USP32: variants seen among roughly 807,000 people sequenced by gnomAD.
USP32 encodes the protein ubiquitin carboxyl-terminal hydrolase 32.
Under a neutral mutation model 204.8 loss-of-function variants are expected in USP32, and 59 were observed. That is an observed-to-expected ratio of 0.29 (90% CI 0.23 to 0.36). The LOEUF (loss-of-function observed/expected upper bound fraction) is 0.36. USP32 is among the 10% of genes least tolerant of loss of function. USP32 has a pLI of 1.00. For missense variants in USP32, 1,160 were observed against 1,946.4 expected (o/e 0.60, Z 7.60); for synonymous variants, 517 against 678.4 (o/e 0.76, Z 3.70).
chr17:60,232,714 T>A (rs2085603809), intron 12 of USP32, among the ~76,000 whole-genome samples: 1 of 151,838 alleles, frequency 6.6e-6, no homozygotes, highest in Non-Finnish European at 1.5e-5. Flanking sequence ...ACCCGGCTAA[T>A]TTTTGTATTT....
At chr17:60,358,988 A>G (rs1839342411) in intron 1 of USP32, among the ~76,000 whole-genome samples, 1 of 152,236 alleles carries the variant, frequency 6.6e-6, no homozygotes, top group African/African-American at 2.4e-5. Context: ...GACACACGAG[A>G]GGTTCCAGCT....
At chr17:60,232,885 C>G (rs565289286) in intron 12 of USP32, among the ~76,000 whole-genome samples, 1 of 152,274 alleles carries the variant, frequency 6.6e-6, no homozygotes, top group African/African-American at 2.4e-5. Context: ...ACTACTGCTA[C>G]TACTACCACC....
chr17:60,301,391 C>T, intron 3 of USP32: 1 of 381,744 alleles, frequency 2.6e-6, no homozygotes, highest in Non-Finnish European at 4.7e-6. Context: ...TTTAGCCACT[C>T]TAGTAGGTGT....
chr17:60,335,088 A>G (rs1464751387), intron 2 of USP32, among the ~76,000 whole-genome samples: 1 of 142,542 alleles, frequency 7.0e-6, no homozygotes, highest in Non-Finnish European at 1.5e-5. Flanking sequence ...TGATCCTCCC[A>G]TCTTAGCTTC....
intron 21 of USP32, among the ~76,000 whole-genome samples, 176 bp downstream of exon 21, chr17:60,210,837 A>G (rs1164570148): frequency 1.3e-5 from 2 of 152,286 alleles, no homozygotes; most frequent in African/African-American, 4.8e-5. Context: ...CTACATATAC[A>G]GTAGTAATTT....
At chr17:60,245,368 C>T (rs6503954) in intron 11 of USP32, 29,425 of 397,890 alleles carry the variant, frequency 0.074, 2,689 homozygotes, top group African/African-American at 0.3. Context: ...AATGTCTTTG[C>T]AGTTCTTGGA....
chr17:60,329,689 T>C (rs2088333715), intron 2 of USP32, among the ~76,000 whole-genome samples: 1 of 152,166 alleles, frequency 6.6e-6, no homozygotes, highest in African/African-American at 2.4e-5. Flanking sequence ...GCCTTTTCTA[T>C]GCAAAATATC....
intron 2 of USP32, among the ~76,000 whole-genome samples, chr17:60,333,752 A>G (rs570638765): frequency 6.6e-6 from 1 of 152,110 alleles, no homozygotes; most frequent in South Asian, 2.1e-4. Flanking sequence ...AGGAAAGAAA[A>G]TCGTAAAGAA....
chr17:60,419,282 A>G (rs1484114910), intron 1 of USP32, among the ~76,000 whole-genome samples: 1 of 152,190 alleles, frequency 6.6e-6, no homozygotes, highest in Non-Finnish European at 1.5e-5. Flanking sequence ...CAAATACCGC[A>G]TGTTCTCACT....
intron 1 of USP32, among the ~76,000 whole-genome samples, chr17:60,364,230 A>T (rs2089269721): frequency 6.6e-6 from 1 of 152,348 alleles, no homozygotes; most frequent in South Asian, 2.1e-4. Flanking sequence ...ATGAGGGCAG[A>T]GCCCTCATGA....
At chr17:60,224,918 T>G (rs1252649097) in intron 13 of USP32, among the ~76,000 whole-genome samples, 7 of 152,168 alleles carry the variant, frequency 4.6e-5, no homozygotes, top group African/African-American at 1.7e-4. Context: ...AAACATGAAG[T>G]TTTAGGTAAG....
At chr17:60,197,591 C>G (rs1247304809) in intron 27 of USP32, among the ~76,000 whole-genome samples, 1 of 151,250 alleles carries the variant, frequency 6.6e-6, no homozygotes. Flanking sequence ...GCAACAAGAG[C>G]AAAACTCTGC....
At chr17:60,198,935 G>C (rs1315482348) in intron 26 of USP32, among the ~76,000 whole-genome samples, 1 of 152,096 alleles carries the variant, frequency 6.6e-6, no homozygotes, top group Non-Finnish European at 1.5e-5. Context: ...GCAATGTAGG[G>C]AGACCCTATC....
intron 3 of USP32, among the ~76,000 whole-genome samples, chr17:60,300,632 CA>C (rs1299803121): frequency 6.6e-6 from 1 of 152,022 alleles, no homozygotes; most frequent in East Asian, 1.9e-4. Context: ...GTTTGTGAAA[CA>C]AATAGACTAC....
chr17:60,266,372 A>G (rs1018940143), intron 7 of USP32, among the ~76,000 whole-genome samples: 1 of 152,222 alleles, frequency 6.6e-6, no homozygotes, highest in Non-Finnish European at 1.5e-5. Flanking sequence ...CTGTCAAGAA[A>G]GGGCGAAGTT....
At chr17:60,417,497 A>G (rs1488041144) in intron 1 of USP32, among the ~76,000 whole-genome samples, 1 of 146,352 alleles carries the variant, frequency 6.8e-6, no homozygotes, top group Non-Finnish European at 1.5e-5. Flanking sequence ...CTTGTCGCCC[A>G]GGCTGGAGTG....
intron 11 of USP32, among the ~76,000 whole-genome samples, chr17:60,247,574 A>G (rs1357012140): frequency 6.6e-6 from 1 of 152,198 alleles, no homozygotes; most frequent in Non-Finnish European, 1.5e-5. Flanking sequence ...TTCCAGCACC[A>G]TTTATTGAAG....
chr17:60,378,247 T>C lies in USP32; in HGVS notation c.58+13635A>G, dbSNP rs182981378. On this transcript the variant is annotated intron_variant, in intron 1 of 33. Coordinates refer to ENST00000300896, the MANE Select transcript of USP32 (RefSeq NM_032582.4). ...ACTAAAAATCAAAATGACAATACTA[T>C]GTCACACCCATTAGGATGGTTATTA... Among the ~76,000 whole-genome samples the C allele has an allele frequency of 2.6e-5, 4 of 151,850 alleles. No homozygotes were observed. The East Asian group carries it at 5.8e-4, about 22-fold the overall frequency.
chr17:60,329,480 A>AT (rs113454063), intron 2 of USP32, among the ~76,000 whole-genome samples: 4,262 of 144,936 alleles, frequency 0.029, 199 homozygotes, highest in African/African-American at 0.094. Flanking sequence ...GTTTTTATTT[A>AT]TTTTTTTTTT....
Sources: allele counts gnomAD v4.1 joint callset (sites outside exome capture counted in the v4.1 genomes callset), GRCh38; gene constraint gnomAD v4.1.1; transcripts MANE v1.5; gene names NCBI Gene and HGNC (gene_info 2026-07-23, HGNC 2026-07-21).